Variants in CNTNAP5 observed in about 807,000 individuals in gnomAD.
CNTNAP5 encodes contactin associated protein family member 5.
A neutral mutation model predicts 150.2 loss-of-function variants in CNTNAP5; 72 were observed. That is an observed-to-expected ratio of 0.48 (90% confidence interval 0.40 to 0.58). The LOEUF (loss-of-function observed/expected upper bound fraction) is 0.58. CNTNAP5 is among the 20% of genes least tolerant of loss of function. The pLI is 0.00. For synonymous variants in CNTNAP5, 672 were observed against 619.8 expected, an observed-to-expected ratio of 1.08 and a Z score of -1.25; for missense variants, 1,636 against 1,626.2, an observed-to-expected ratio of 1.01 and a Z score of -0.10.
At chr2:124,837,913 C>T (rs939450083) in intron 19 of CNTNAP5, among the ~76,000 whole-genome samples, 2 of 152,074 alleles carry the variant, frequency 1.3e-5, no homozygotes, top group Non-Finnish European at 1.5e-5. Flanking sequence ...CAAAACCACA[C>T]TGACTTCCTT....
At chr2:124,286,982 C>G (rs1364854737) in intron 3 of CNTNAP5, among the ~76,000 whole-genome samples, 4 of 152,150 alleles carry the variant, frequency 2.6e-5, no homozygotes, top group Non-Finnish European at 4.4e-5. Flanking sequence ...ACCCAAGTCT[C>G]CAGGCCAGCC....
chr2:124,743,674 C>A (rs1214196940), intron 13 of CNTNAP5, among the ~76,000 whole-genome samples: 2 of 152,120 alleles, frequency 1.3e-5, no homozygotes, highest in East Asian at 3.9e-4. Context: ...CTGTGGTAGT[C>A]CAGCATCTTC....
At chr2:124,680,653 C>A (rs1407203604) in intron 13 of CNTNAP5, 1 of 151,848 alleles carries the variant, frequency 6.6e-6, no homozygotes, top group African/African-American at 2.4e-5. Context: ...TCTTTCACTG[C>A]ATGTCTCATA....
chr2:124,521,535 A>C (rs1322388265), intron 8 of CNTNAP5, among the ~76,000 whole-genome samples: 1 of 152,214 alleles, frequency 6.6e-6, no homozygotes, highest in Non-Finnish European at 1.5e-5. Flanking sequence ...CTCTCCCCTC[A>C]GGCCAGTGCC....
intron 13 of CNTNAP5, among the ~76,000 whole-genome samples, chr2:124,698,407 C>CACACAT (rs55958089): frequency 4.8e-5 from 7 of 145,750 alleles, no homozygotes; most frequent in African/African-American, 1.5e-4. Context: ...CACACACACA[C>CACACAT]GTTTGCTTAT....
At chr2:124,666,273 T>G (rs1462626591) in intron 13 of CNTNAP5, among the ~76,000 whole-genome samples, 1 of 152,156 alleles carries the variant, frequency 6.6e-6, no homozygotes, top group African/African-American at 2.4e-5. Flanking sequence ...AAAAGATTCT[T>G]TAATTTGCCA....
intron 3 of CNTNAP5, among the ~76,000 whole-genome samples, chr2:124,376,802 T>C (rs1690660297): frequency 6.6e-6 from 1 of 152,090 alleles, no homozygotes; most frequent in Admixed American, 6.6e-5. Flanking sequence ...CCCTACCTTT[T>C]TTTCTTTTAA....
At chr2:124,897,973 GTGTGTA>G (rs775687136) in intron 21 of CNTNAP5, among the ~76,000 whole-genome samples, 17 of 126,518 alleles carry the variant, frequency 1.3e-4, no homozygotes, top group South Asian at 2.5e-4. Flanking sequence ...GTGTGTGTGT[GTGTGTA>G]TGTGTGTGTA....
intron 13 of CNTNAP5, among the ~76,000 whole-genome samples, chr2:124,740,609 A>G (rs935529921): frequency 3.3e-5 from 5 of 152,210 alleles, no homozygotes; most frequent in Admixed American, 2.6e-4. Context: ...TAGAGCCATC[A>G]TTGATCTTTC....
intron 13 of CNTNAP5, among the ~76,000 whole-genome samples, chr2:124,698,917 C>T (rs571072350): frequency 1.3e-5 from 2 of 152,118 alleles, no homozygotes; most frequent in African/African-American, 2.4e-5. Context: ...TCTGATCCTT[C>T]GAAGAGTGGC....
intron 3 of CNTNAP5, among the ~76,000 whole-genome samples, chr2:124,283,307 A>G (rs2104625408): frequency 6.6e-6 from 1 of 152,314 alleles, no homozygotes; most frequent in East Asian, 1.9e-4. Flanking sequence ...GACACACCAC[A>G]ATGGAATGTC....
Position 124,549,281 on chromosome 2 carries a change from G to A in CNTNAP5, c.1650-13936G>A, listed in dbSNP as rs1261170422. Among the ~76,000 whole-genome samples, 3 of 152,276 alleles carry A rather than the reference G, an allele frequency of 2.0e-5. No individual in the cohort carries two copies. In the East Asian group the frequency reaches 5.8e-4, roughly 29 times the overall value. ...ACAGTGGTAGTCTCCATTGGAAAAT[G>A]AAACCTAGAGGAGCCGGGATAATAA... On this transcript the variant is annotated intron_variant, in intron 10 of 23. Coordinates refer to ENST00000682447, the MANE Select transcript of CNTNAP5 (RefSeq NM_001367498.1).
At chr2:124,562,967 A>G (rs1180382796) in intron 10 of CNTNAP5, among the ~76,000 whole-genome samples, 1 of 152,202 alleles carries the variant, frequency 6.6e-6, no homozygotes, top group African/African-American at 2.4e-5. Context: ...CAATATTAAC[A>G]TCCTTAACTT....
chr2:124,812,071 T>TTTATATTTATATA (rs1355298378), intron 19 of CNTNAP5, among the ~76,000 whole-genome samples: 28 of 31,424 alleles, frequency 8.9e-4, no homozygotes, highest in African/African-American at 3.0e-3. Context: ...TAATATATAA[T>TTTATATTTATATA]TTATATTTAT....
chr2:124,904,864 C>A (rs575251621), intron 22 of CNTNAP5, among the ~76,000 whole-genome samples: 1 of 150,556 alleles, frequency 6.6e-6, no homozygotes, highest in Admixed American at 6.6e-5. Flanking sequence ...TCAACAAGAG[C>A]GAAAATTTAA....
At chr2:124,076,835 T>C (rs747278115) in intron 1 of CNTNAP5, among the ~76,000 whole-genome samples, 1 of 152,078 alleles carries the variant, frequency 6.6e-6, no homozygotes, top group Non-Finnish European at 1.5e-5. Flanking sequence ...TCCAGAATGA[T>C]GGTCCTGGAG....
chr2:124,636,843 A>T (rs72845019), intron 12 of CNTNAP5, among the ~76,000 whole-genome samples: 8,644 of 151,914 alleles, frequency 0.057, 339 homozygotes, highest in Admixed American at 0.087. Flanking sequence ...GAGTAGCCAG[A>T]TACCCTTCAC....
intron 3 of CNTNAP5, among the ~76,000 whole-genome samples, chr2:124,390,500 G>C (rs180781667): frequency 1.3e-5 from 2 of 152,166 alleles, no homozygotes; most frequent in Non-Finnish European, 2.9e-5. Flanking sequence ...ATAACACCAC[G>C]AGGACAAAGT....
chr2:124,781,355 C>G (rs773144086), intron 17 of CNTNAP5, among the ~76,000 whole-genome samples: 58 of 152,150 alleles, frequency 3.8e-4, no homozygotes, highest in Non-Finnish European at 7.3e-4. Flanking sequence ...CAACTCCATG[C>G]GGAGGCAGGC....
Sources: allele counts gnomAD v4.1 joint callset (sites outside exome capture counted in the v4.1 genomes callset), GRCh38; gene constraint gnomAD v4.1.1; transcripts MANE v1.5; gene names NCBI Gene and HGNC (gene_info 2026-07-23, HGNC 2026-07-21).